WWOX: variants seen among roughly 807,000 people sequenced by gnomAD.
WWOX encodes WW domain containing oxidoreductase, also known as WW domain-containing oxidoreductase.
A neutral mutation model predicts 46.2 loss-of-function variants in WWOX; 69 were observed. That is an observed-to-expected ratio of 1.49 (90% CI 1.23 to 1.82). The LOEUF (loss-of-function observed/expected upper bound fraction) is 1.82. Ranked by LOEUF, WWOX falls within the 40% of genes most tolerant of loss-of-function variation. The pLI is 0.00. For missense variants in WWOX, 919 were observed against 542.6 expected (o/e 1.69, Z -6.89); for synonymous variants, 359 against 202.6 (o/e 1.77, Z -6.56).
At chr16:78,157,067 A>G (rs1204910555) in intron 4 of WWOX, among the ~76,000 whole-genome samples, 2 of 151,188 alleles carry the variant, frequency 1.3e-5, no homozygotes, top group African/African-American at 2.4e-5. Context: ...ACTCTCTTAC[A>G]TCTTTTTTTT....
At chr16:78,940,178 G>A (rs1389513392) in intron 8 of WWOX, among the ~76,000 whole-genome samples, 1 of 152,096 alleles carries the variant, frequency 6.6e-6, no homozygotes, top group East Asian at 1.9e-4. Context: ...GATTCTTAAA[G>A]CATGAATGCT....
chr16:78,415,165 G>A (rs752095216), intron 6 of WWOX, among the ~76,000 whole-genome samples: 13 of 150,758 alleles, frequency 8.6e-5, no homozygotes, highest in East Asian at 1.9e-4. Flanking sequence ...GAGTTTTCAC[G>A]GAAAGGGGTA....
At chr16:78,311,033 G>T (rs2080232744) in intron 5 of WWOX, among the ~76,000 whole-genome samples, 1 of 152,212 alleles carries the variant, frequency 6.6e-6, no homozygotes, top group Admixed American at 6.5e-5. Flanking sequence ...TGCACTGAAA[G>T]TCTGACTTAA....
At chr16:78,654,234 C>G (rs1421982864) in intron 8 of WWOX, among the ~76,000 whole-genome samples, 1 of 152,132 alleles carries the variant, frequency 6.6e-6, no homozygotes, top group Admixed American at 6.5e-5. Flanking sequence ...CCCTGAAAAC[C>G]CTGGTTTTCA....
At chr16:78,123,440 G>GTTTTTTGTTT (rs2033202143) in intron 4 of WWOX, 5 of 50,500 alleles carry the variant, frequency 9.9e-5, no homozygotes, top group South Asian at 6.0e-4. Context: ...TTTTTGTTTT[G>GTTTTTTGTTT]TTTTTTTTTT....
intron 7 of WWOX, among the ~76,000 whole-genome samples, chr16:78,427,537 C>T (rs978673426): frequency 4.0e-5 from 6 of 151,592 alleles, no homozygotes; most frequent in South Asian, 2.1e-4. Flanking sequence ...CATACACGCA[C>T]GCACGCACAC....
chr16:78,140,739 A>G (rs543561191), intron 4 of WWOX, among the ~76,000 whole-genome samples: 16 of 152,088 alleles, frequency 1.1e-4, no homozygotes, highest in Admixed American at 9.2e-4. Flanking sequence ...GTTTAACTCG[A>G]TGACCTCTGC....
chr16:78,950,545 CA>C (rs989255557), intron 8 of WWOX, among the ~76,000 whole-genome samples: 1 of 151,130 alleles, frequency 6.6e-6, no homozygotes, highest in Non-Finnish European at 1.5e-5. Context: ...CACACACACA[CA>C]CACACACACA....
At chr16:78,162,656 C>T (rs1469421320) in intron 4 of WWOX, among the ~76,000 whole-genome samples, 2 of 152,098 alleles carry the variant, frequency 1.3e-5, no homozygotes, top group Non-Finnish European at 2.9e-5. Flanking sequence ...GATTTTGTAA[C>T]ATTATCAGCC....
At chr16:78,440,628 T>A (rs28693606) in intron 8 of WWOX, among the ~76,000 whole-genome samples, 10,996 of 150,306 alleles carry the variant, frequency 0.073, 522 homozygotes, top group African/African-American at 0.17. Context: ...TTTTTTTCTT[T>A]TTTTTTGAGA....
At chr16:78,330,308 A>G (rs539181978) in intron 5 of WWOX, among the ~76,000 whole-genome samples, 1 of 152,226 alleles carries the variant, frequency 6.6e-6, no homozygotes, top group African/African-American at 2.4e-5. Context: ...TTTTACCACA[A>G]ATTAAAGAAA....
In WWOX at chr16:78,876,192, T is replaced by A. The variant is rs73579375; in HGVS notation, c.1057-335416T>A. 4.3e-3 allele frequency among the ~76,000 whole-genome samples: 629 copies of A among 147,122 alleles called. 5 individuals are homozygous for A. The highest frequency in any genetic ancestry group is 0.014 in the African/African-American group (586 of 40,466). On this transcript the variant is annotated intron_variant, in intron 8 of 8. Coordinates refer to ENST00000566780, the MANE Select transcript of WWOX (RefSeq NM_016373.4). ...TTACGTTTTAACAACGGAAAACACTTAAGGTTTTTTTCCTTTCTTTTTTTT... is the reference window on the plus strand; with the variant it reads ...TTACGTTTTAACAACGGAAAACACTAAAGGTTTTTTTCCTTTCTTTTTTTT...
chr16:79,006,060 A>G (rs1567477885), intron 8 of WWOX, among the ~76,000 whole-genome samples: 1 of 152,278 alleles, frequency 6.6e-6, no homozygotes, highest in Non-Finnish European at 1.5e-5. Flanking sequence ...GAGTGAACCC[A>G]TATCAACAAG....
rs370327902 is a variant in WWOX, at chr16:78,422,844, TACACACACACACACAC to T, written c.606-2000_606-1985del. On this transcript the variant is annotated intron_variant, in intron 6 of 8. Coordinates refer to ENST00000566780, the MANE Select transcript of WWOX (RefSeq NM_016373.4). ...ACACACACATATATATATATACATA[TACACACACACACACAC>T]ACACACACACACACACACACACACA... Among the ~76,000 whole-genome samples the T allele has an allele frequency of 4.6e-4, 48 of 105,110 alleles. 2 individuals are homozygous for T. Among genetic ancestry groups the T allele is most frequent in the African/African-American group, 1.0e-3 (21 of 20,448 alleles). The allele number at this position is 105,110 out of a possible 152,430, so 69.0% of individuals were successfully genotyped here.
chr16:79,016,089 A>T (rs77103831), intron 8 of WWOX: 2 of 152,066 alleles, frequency 1.3e-5, no homozygotes, highest in African/African-American at 4.8e-5. Context: ...TTGTATCTCT[A>T]TATGTTCTCA....
intron 8 of WWOX, among the ~76,000 whole-genome samples, chr16:78,534,914 A>G (rs1222673269): frequency 2.6e-5 from 4 of 151,964 alleles, no homozygotes; most frequent in Admixed American, 2.6e-4. Context: ...GGGTTCCACC[A>G]TGGTGGCCGG....
At chr16:78,853,302 C>A (rs535611862) in intron 8 of WWOX, among the ~76,000 whole-genome samples, 5 of 152,160 alleles carry the variant, frequency 3.3e-5, no homozygotes, top group African/African-American at 1.2e-4. Context: ...CTCACTGCAA[C>A]CTCTGTCTCC....
intron 8 of WWOX, among the ~76,000 whole-genome samples, chr16:78,912,894 A>T (rs991435669): frequency 6.6e-6 from 1 of 151,934 alleles, no homozygotes; most frequent in African/African-American, 2.4e-5. Flanking sequence ...CAGCTTGGAA[A>T]ACACTATCCA....
At chr16:78,732,004 G>A (rs569819244) in intron 8 of WWOX, among the ~76,000 whole-genome samples, 1 of 151,882 alleles carries the variant, frequency 6.6e-6, no homozygotes, top group African/African-American at 2.4e-5. Context: ...GCACTACCAT[G>A]CCCAGTGAAT....
Sources: allele counts gnomAD v4.1 joint callset (sites outside exome capture counted in the v4.1 genomes callset), GRCh38; gene constraint gnomAD v4.1.1; transcripts MANE v1.5; gene names NCBI Gene and HGNC (gene_info 2026-07-23, HGNC 2026-07-21).